The following LTBP1 variants were observed in gnomAD, a reference collection of about 807,000 sequenced individuals.
LTBP1 encodes the protein latent transforming growth factor beta binding protein 1.
In LTBP1, 129 loss-of-function variants were observed where a neutral mutation model predicts 207.6. The observed-to-expected ratio is 0.62, with a 90% CI of 0.54 to 0.72. LTBP1 has a LOEUF of 0.72. Ranked by LOEUF, LTBP1 falls within the 30% of genes least tolerant of loss-of-function variation. LTBP1 has a pLI of 0.00. For synonymous variants in LTBP1, 963 were observed against 833.7 expected (o/e 1.16, Z -2.67); for missense variants, 2,281 against 2,217.2 (o/e 1.03, Z -0.58).
chr2:33,197,660 C>A (rs968897716), intron 7 of LTBP1, among the ~76,000 whole-genome samples: 1 of 152,174 alleles, frequency 6.6e-6, no homozygotes, highest in Admixed American at 6.5e-5. Flanking sequence ...TTGTTTCAAA[C>A]ATGTTTTATT....
intron 5 of LTBP1, among the ~76,000 whole-genome samples, chr2:33,186,449 C>G (rs772273129): frequency 2.0e-5 from 3 of 152,112 alleles, no homozygotes; most frequent in African/African-American, 4.8e-5. Flanking sequence ...TACACACTAC[C>G]AGGCCATACA....
chr2:33,156,707 A>C (rs2084006783), intron 5 of LTBP1, among the ~76,000 whole-genome samples: 1 of 150,770 alleles, frequency 6.6e-6, no homozygotes, highest in Non-Finnish European at 1.5e-5. Context: ...TATATATAAC[A>C]ATTGAACATA....
intron 2 of LTBP1, among the ~76,000 whole-genome samples, chr2:32,960,754 G>GA (rs1376446796): frequency 2.6e-5 from 4 of 152,212 alleles, no homozygotes; most frequent in Admixed American, 1.3e-4. Context: ...TGTGTGATAT[G>GA]AAAGGGTCTG....
intron 5 of LTBP1, among the ~76,000 whole-genome samples, chr2:33,137,917 A>G (rs1170748868): frequency 6.6e-6 from 1 of 152,190 alleles, no homozygotes; most frequent in Non-Finnish European, 1.5e-5. Flanking sequence ...GACAAGGTGA[A>G]GGACCTCATG....
intron 31 of LTBP1, among the ~76,000 whole-genome samples, chr2:33,384,725 T>C (rs1035076420): frequency 2.0e-5 from 3 of 152,190 alleles, no homozygotes; most frequent in Non-Finnish European, 4.4e-5. Flanking sequence ...GGAAATAGTT[T>C]AGGGATCTGC....
rs145492029 is a variant in LTBP1, at chr2:33,222,130, G to A, written c.1855G>A (p.Val619Ile). 2.3e-4 allele frequency: 364 copies of A among 1,612,324 alleles called. No homozygotes were observed. In the African/African-American group the frequency reaches 4.3e-3, roughly 19 times the overall value. Residue 619 changes from valine to isoleucine, a missense_variant, in exon 9 of 34, where the codon GTT (valine) becomes ATT (isoleucine). Val to Ile is a conservative substitution (Grantham distance 29). Transcript: ENST00000404816. ...GGAATGCCTACCGGGTTATAAGCGG[G>A]TTAACAACACCTTTTGCCAAGGTAA... ...MMECLPGYKRVNNTFCQDINE... is the reference protein window; with the variant it reads ...MMECLPGYKRINNTFCQDINE...
At chr2:33,014,509 A>T (rs2149135871) in intron 2 of LTBP1, among the ~76,000 whole-genome samples, 1 of 152,350 alleles carries the variant, frequency 6.6e-6, no homozygotes. Context: ...CTGATCACAG[A>T]AGACACAGTT....
At chr2:33,384,397 G>A (rs1040131911) in intron 31 of LTBP1, among the ~76,000 whole-genome samples, 2 of 152,162 alleles carry the variant, frequency 1.3e-5, no homozygotes, top group African/African-American at 4.8e-5. Flanking sequence ...AATGCAGTGG[G>A]TCGGGGAGGG....
At chr2:33,390,874 G>C (rs1016825649) in intron 32 of LTBP1, among the ~76,000 whole-genome samples, 11 of 152,222 alleles carry the variant, frequency 7.2e-5, no homozygotes, top group Admixed American at 7.2e-4. Context: ...GCTTTTTTCT[G>C]TCCTGGGCCC....
At chr2:33,200,954 A>G (rs1392443420) in intron 7 of LTBP1, among the ~76,000 whole-genome samples, 1 of 152,212 alleles carries the variant, frequency 6.6e-6, no homozygotes, top group Non-Finnish European at 1.5e-5. Context: ...TTAGAATGGC[A>G]ATCATTAAAA....
chr2:33,171,810 C>T (rs1373174898), intron 5 of LTBP1, among the ~76,000 whole-genome samples: 55 of 152,100 alleles, frequency 3.6e-4, no homozygotes, highest in East Asian at 1.7e-3. Flanking sequence ...GCGGATCTCT[C>T]GGCAGAAACT....
chr2:33,093,658 T>G (rs1340880288), intron 3 of LTBP1, among the ~76,000 whole-genome samples: 1 of 152,146 alleles, frequency 6.6e-6, no homozygotes, highest in African/African-American at 2.4e-5. Context: ...TATGAGTGTA[T>G]ATATAAAGAG....
chr2:33,195,685 G>A (rs557913469), intron 7 of LTBP1, among the ~76,000 whole-genome samples: 7 of 152,278 alleles, frequency 4.6e-5, no homozygotes, highest in East Asian at 3.9e-4. Flanking sequence ...TTTAGAATAC[G>A]CTATAAATTT....
At chr2:33,031,104 T>A (rs11124301) in intron 3 of LTBP1, among the ~76,000 whole-genome samples, 6,975 of 152,280 alleles carry the variant, frequency 0.046, 544 homozygotes, top group East Asian at 0.31. Context: ...TGGTTTTTTT[T>A]ATGCTCAAAT....
At chr2:33,364,646 A>C (rs1394377288) in intron 30 of LTBP1, among the ~76,000 whole-genome samples, 1 of 152,180 alleles carries the variant, frequency 6.6e-6, no homozygotes, top group African/African-American at 2.4e-5. Context: ...CTGCAGAGGC[A>C]GCTGAGGGAA....
chr2:32,991,894 A>G lies in LTBP1; in HGVS notation c.566-29015A>G, dbSNP rs138224386. The stretch of plus-strand genomic sequence containing the variant: ...TCAGAGACAACTTTAATGATTAAAA[A>G]TGAAATTGGTTTTGTTGAGCTTAAA... On this transcript the variant is annotated intron_variant, in intron 2 of 33. Transcript: ENST00000404816. Among the ~76,000 whole-genome samples, 573 of 152,296 alleles carry G rather than the reference A, an allele frequency of 3.8e-3. 4 individuals carry two copies. The highest frequency in any genetic ancestry group is 0.013 in the African/African-American group (550 of 41,554).
chr2:33,308,859 G>A (rs1453090091), intron 22 of LTBP1, among the ~76,000 whole-genome samples: 1 of 152,108 alleles, frequency 6.6e-6, no homozygotes, highest in African/African-American at 2.4e-5. Context: ...TGTTGCTCAA[G>A]ATACACTTAA....
At chr2:33,092,940 T>C (rs2079184535) in intron 3 of LTBP1, among the ~76,000 whole-genome samples, 1 of 152,208 alleles carries the variant, frequency 6.6e-6, no homozygotes, top group African/African-American at 2.4e-5. Context: ...AACTGATTCA[T>C]AGACCTGCAC....
intron 24 of LTBP1, among the ~76,000 whole-genome samples, chr2:33,322,482 T>A (rs2094369823): frequency 6.6e-6 from 1 of 152,248 alleles, no homozygotes; most frequent in Admixed American, 6.5e-5. Flanking sequence ...GATAGAATAT[T>A]AAGCAACTAT....
Sources: gnomAD v4.1 joint callset for allele counts (sites outside exome capture counted in the v4.1 genomes callset) on GRCh38, gnomAD v4.1.1 for gene constraint, MANE v1.5 for transcripts, NCBI Gene and HGNC (gene_info 2026-07-23, HGNC 2026-07-21) for gene names.